Variants in FAM135B observed in about 807,000 individuals in gnomAD.
FAM135B encodes the protein family with sequence similarity 135 member B.
A neutral mutation model predicts 127.7 loss-of-function variants in FAM135B; 43 were observed. The ratio of observed to expected loss-of-function variants is 0.34; its 90% CI spans 0.26 to 0.43. FAM135B has a LOEUF of 0.43. Ranked by LOEUF, FAM135B falls within the 20% of genes least tolerant of loss-of-function variation. The pLI is 1.00. For missense variants in FAM135B, 1,558 were observed against 1,725.6 expected, an observed-to-expected ratio of 0.90 and a Z score of 1.72; for synonymous variants, 670 against 665.1, an observed-to-expected ratio of 1.01 and a Z score of -0.11.
intron 2 of FAM135B, among the ~76,000 whole-genome samples, chr8:138,353,674 T>C (rs1455438636): frequency 6.6e-6 from 1 of 152,178 alleles, no homozygotes; most frequent in Non-Finnish European, 1.5e-5. Flanking sequence ...CAAGTGACCT[T>C]GGGCTTCAGT....
chr8:138,165,090 A>G (rs750883649), intron 12 of FAM135B, among the ~76,000 whole-genome samples: 3 of 151,572 alleles, frequency 2.0e-5, no homozygotes, highest in Non-Finnish European at 4.4e-5. Flanking sequence ...GGAGGCGCAG[A>G]GAGGGAATGA....
chr8:138,217,963 T>C (rs1476056262), intron 7 of FAM135B, among the ~76,000 whole-genome samples: 9 of 152,214 alleles, frequency 5.9e-5, no homozygotes, highest in Non-Finnish European at 1.5e-5. Flanking sequence ...AATTCTTATT[T>C]CTGTATCAAA....
chr8:138,458,675 T>C (rs1836940982), intron 1 of FAM135B, among the ~76,000 whole-genome samples: 1 of 152,186 alleles, frequency 6.6e-6, no homozygotes, highest in Non-Finnish European at 1.5e-5. Context: ...TTATGTATTG[T>C]CTGTGGCTGC....
At chr8:138,224,543 T>C (rs1819265201) in intron 7 of FAM135B, among the ~76,000 whole-genome samples, 1 of 152,186 alleles carries the variant, frequency 6.6e-6, no homozygotes, top group Non-Finnish European at 1.5e-5. Flanking sequence ...TTTAAAGATA[T>C]ATGTGACTAA....
At chr8:138,452,922 C>T (rs917742807) in intron 1 of FAM135B, among the ~76,000 whole-genome samples, 1 of 152,110 alleles carries the variant, frequency 6.6e-6, no homozygotes, top group Non-Finnish European at 1.5e-5. Flanking sequence ...AAGAAATGAT[C>T]CAAGAGAAGA....
chr8:138,206,952 C>T (rs1436989700), intron 7 of FAM135B, among the ~76,000 whole-genome samples: 4 of 151,810 alleles, frequency 2.6e-5, no homozygotes, highest in Non-Finnish European at 4.4e-5. Flanking sequence ...ATCCCCTCCA[C>T]CTACCCACAA....
chr8:138,171,738 G>C (rs567820191), intron 11 of FAM135B, among the ~76,000 whole-genome samples: 1 of 152,228 alleles, frequency 6.6e-6, no homozygotes, highest in East Asian at 1.9e-4. Flanking sequence ...AAGACCAATA[G>C]GCCAAGAAGG....
chr8:138,449,051 A>C (rs1305718912), intron 1 of FAM135B, among the ~76,000 whole-genome samples: 1 of 152,146 alleles, frequency 6.6e-6, no homozygotes, highest in African/African-American at 2.4e-5. Context: ...CAATTATCTA[A>C]TATGTTTACT....
At chr8:138,445,728 C>A (rs1836110894) in intron 1 of FAM135B, among the ~76,000 whole-genome samples, 1 of 152,166 alleles carries the variant, frequency 6.6e-6, no homozygotes, top group Admixed American at 6.5e-5. Flanking sequence ...GAAGCATTCC[C>A]TTTGAAAACT....
chr8:138,460,985 A>G (rs1473663422), intron 1 of FAM135B, among the ~76,000 whole-genome samples: 3 of 152,204 alleles, frequency 2.0e-5, no homozygotes, highest in Admixed American at 2.0e-4. Context: ...GTATTCAGAC[A>G]GCTTGGGTTT....
At chr8:138,262,927 T>C (rs1232095475) in intron 4 of FAM135B, among the ~76,000 whole-genome samples, 17 of 106,326 alleles carry the variant, frequency 1.6e-4, no homozygotes, top group Non-Finnish European at 7.7e-5. Context: ...AAAAAGCAAC[T>C]AACAATGGCT....
At chr8:138,373,656 A>G (rs1037261785) in intron 1 of FAM135B, among the ~76,000 whole-genome samples, 1 of 151,998 alleles carries the variant, frequency 6.6e-6, no homozygotes, top group Non-Finnish European at 1.5e-5. Flanking sequence ...AGCAAATGGG[A>G]GAAATATTGC....
chr8:138,336,715 A>C (rs909086051), intron 2 of FAM135B, among the ~76,000 whole-genome samples: 1 of 152,178 alleles, frequency 6.6e-6, no homozygotes, highest in Non-Finnish European at 1.5e-5. Flanking sequence ...TGAAATTATT[A>C]CAATTAATAG....
At chr8:138,339,061 G>C (rs1828836554) in intron 2 of FAM135B, among the ~76,000 whole-genome samples, 1 of 146,474 alleles carries the variant, frequency 6.8e-6, no homozygotes, top group East Asian at 2.1e-4. Flanking sequence ...ATTGAACAAT[G>C]AGAACACTTG....
chr8:138,445,495 C>T (rs970111732), intron 1 of FAM135B, among the ~76,000 whole-genome samples: 1 of 152,096 alleles, frequency 6.6e-6, no homozygotes, highest in Admixed American at 6.5e-5. Flanking sequence ...AAGGCTGGTT[C>T]AATATATGCA....
At chr8:138,194,562 T>C (rs1184625990) in intron 9 of FAM135B, among the ~76,000 whole-genome samples, 1 of 152,182 alleles carries the variant, frequency 6.6e-6, no homozygotes, top group Admixed American at 6.5e-5. Flanking sequence ...ACAGACAAAG[T>C]TGAGAAACAC....
intron 2 of FAM135B, among the ~76,000 whole-genome samples, chr8:138,325,021 C>T (rs1226447404): frequency 6.6e-6 from 1 of 152,128 alleles, no homozygotes; most frequent in African/African-American, 2.4e-5. Context: ...ATTCAAACAA[C>T]ACAGTCTGAT....
At chr8:138,145,663 G>C (rs1817589892) in intron 15 of FAM135B, among the ~76,000 whole-genome samples, 1 of 152,222 alleles carries the variant, frequency 6.6e-6, no homozygotes, top group Non-Finnish European at 1.5e-5. Context: ...AGCGCCAACA[G>C]TTAGGAAGGG....
At chr8:138,149,867 C>G (rs534473143) in intron 13 of FAM135B, among the ~76,000 whole-genome samples, 123 of 152,272 alleles carry the variant, frequency 8.1e-4, no homozygotes, top group African/African-American at 2.2e-3. Flanking sequence ...GTCTGTCTCT[C>G]CGTTAGACTG....
Sources: gnomAD v4.1 joint callset for allele counts (sites outside exome capture counted in the v4.1 genomes callset) on GRCh38, gnomAD v4.1.1 for gene constraint, MANE v1.5 for transcripts, NCBI Gene and HGNC (gene_info 2026-07-23, HGNC 2026-07-21) for gene names.